SMU1: variants seen among roughly 807,000 people sequenced by gnomAD.
SMU1 encodes the protein SMU1 DNA replication regulator and spliceosomal factor, also known as WD40 repeat-containing protein SMU1.
A neutral mutation model predicts 62.0 loss-of-function variants in SMU1; 2 were observed. The observed-to-expected ratio is 0.03, with a 90% CI of 0.01 to 0.10. SMU1 has a LOEUF of 0.10. Ranked by LOEUF, SMU1 falls within the 10% of genes least tolerant of loss-of-function variation. The pLI, the probability that SMU1 is intolerant of heterozygous loss-of-function variation, is 1.00. For synonymous variants in SMU1, 188 were observed against 212.4 expected (o/e 0.89, Z 1.00); for missense variants, 227 against 622.1 (o/e 0.36, Z 6.76).
intron 11 of SMU1, 111 bp downstream of exon 11, chr9:33,047,995 T>C: frequency 4.2e-6 from 4 of 958,920 alleles, no homozygotes; most frequent in Non-Finnish European, 4.6e-6. Flanking sequence ...AAACAACATA[T>C]TTTATACTGA....
At chr9:33,055,786 G>T (rs764409338) in intron 9 of SMU1, among the ~76,000 whole-genome samples, 1 of 152,162 alleles carries the variant, frequency 6.6e-6, no homozygotes, top group Non-Finnish European at 1.5e-5. Context: ...CTGTTAGCAG[G>T]TGGACCATAC....
intron 4 of SMU1, among the ~76,000 whole-genome samples, chr9:33,063,995 T>C (rs1445274925): frequency 6.6e-6 from 1 of 152,240 alleles, no homozygotes; most frequent in Admixed American, 6.5e-5. Context: ...TGTTTATTCA[T>C]GTTATTTGCT....
intron 9 of SMU1, among the ~76,000 whole-genome samples, chr9:33,053,899 A>G (rs1176750531): frequency 6.6e-6 from 1 of 152,202 alleles, no homozygotes; most frequent in East Asian, 1.9e-4. Flanking sequence ...ATTTTTCCTT[A>G]GCCAATAGAG....
Position 33,044,385 on chromosome 9 carries a change from C to G in SMU1, c.*2908G>C, listed in dbSNP as rs1839160106. ...TAGCGGGTGCGCAGTCTCCCTACCC[C>G]CGGTAAGGGGCTCTACCGGCCCTGG... On this transcript the variant is annotated 3_prime_UTR_variant, in exon 12 of 12. Coordinates refer to ENST00000397149, the MANE Select transcript of SMU1 (RefSeq NM_018225.3). 1 of 152,284 alleles carries G rather than the reference C, an allele frequency of 6.6e-6. No homozygotes were observed. The highest frequency in any genetic ancestry group is 1.5e-5 in the Non-Finnish European group (1 of 68,072). The allele number at this position is 152,284 out of a possible 1,614,324, so 9.4% of individuals were successfully genotyped here.
At chr9:33,055,489 C>A (rs917392669) in intron 9 of SMU1, among the ~76,000 whole-genome samples, 1 of 150,742 alleles carries the variant, frequency 6.6e-6, no homozygotes, top group Non-Finnish European at 1.5e-5. Flanking sequence ...TAAATAGTGT[C>A]TCAAAGATCT....
chr9:33,045,424 G>T lies in SMU1; in HGVS notation c.*1869C>A, dbSNP rs1445884340. 1 of 152,226 alleles carries T rather than the reference G, an allele frequency of 6.6e-6. No individual in the cohort carries two copies. The highest frequency in any genetic ancestry group is 1.5e-5 in the Non-Finnish European group (1 of 68,046). The allele number at this position is 152,226 out of a possible 1,614,324, so 9.4% of individuals were successfully genotyped here. A position where few individuals can be genotyped will look rare whatever the true frequency, so the allele number is the denominator to read the frequency against. Reference sequence around the variant, plus strand: ...AAGCTGCAGGTTTTGTGGCAAATGGGAAATGTGTTATAGAATATGACTGGG... The same window carrying T: ...AAGCTGCAGGTTTTGTGGCAAATGGTAAATGTGTTATAGAATATGACTGGG... On this transcript the variant is annotated 3_prime_UTR_variant, in exon 12 of 12. Coordinates refer to ENST00000397149, the MANE Select transcript of SMU1 (RefSeq NM_018225.3).
In SMU1 at chr9:33,044,387, G is replaced by A. The variant is rs921924659; in HGVS notation, c.*2906C>T. ...GCGGGTGCGCAGTCTCCCTACCCCC[G>A]GTAAGGGGCTCTACCGGCCCTGGAC... On this transcript the variant is annotated 3_prime_UTR_variant, in exon 12 of 12. Coordinates refer to ENST00000397149, the MANE Select transcript of SMU1 (RefSeq NM_018225.3). 6.6e-6 allele frequency: 1 copy of A among 152,266 alleles called. No individual in the cohort carries two copies. The highest frequency in any genetic ancestry group is 2.4e-5 in the African/African-American group (1 of 41,454). The allele number at this position is 152,266 out of a possible 1,614,324, so 9.4% of individuals were successfully genotyped here.
rs1048229 is a variant in SMU1, at chr9:33,054,314, G to A, written c.1123-1024C>T. Among the ~76,000 whole-genome samples, 1,044 of 152,134 alleles carry A rather than the reference G, an allele frequency of 6.9e-3. 9 individuals are homozygous for A. Among genetic ancestry groups the A allele is most frequent in the African/African-American group, 0.023 (974 of 41,490 alleles). On this transcript the variant is annotated intron_variant, in intron 9 of 11. Transcript: ENST00000397149. ...CTACAGGCAGGTGCCAATAAGCCTGGCTCAAATAGAGGCTTTTTAGCTTGA... is the reference window on the plus strand; with the variant it reads ...CTACAGGCAGGTGCCAATAAGCCTGACTCAAATAGAGGCTTTTTAGCTTGA...
chr9:33,074,233 C>G (rs1839516990), intron 1 of SMU1, among the ~76,000 whole-genome samples: 1 of 152,072 alleles, frequency 6.6e-6, no homozygotes, highest in Admixed American at 6.6e-5. Flanking sequence ...GAGGCTGAGG[C>G]AGGAGGATTG....
intron 2 of SMU1, among the ~76,000 whole-genome samples, chr9:33,072,312 G>C (rs2117878138): frequency 6.6e-6 from 1 of 152,100 alleles, no homozygotes; most frequent in South Asian, 2.1e-4. Flanking sequence ...ACTCTGGCCT[G>C]GGCGACAGAG....
At chr9:33,076,464 C>T (rs1839547169) in intron 1 of SMU1, 119 bp downstream of exon 1, 1 of 1,235,274 alleles carries the variant, frequency 8.1e-7, no homozygotes, top group Non-Finnish European at 1.2e-6. Context: ...TCTTTGGGGG[C>T]AAGGAAATGG....
intron 4 of SMU1, among the ~76,000 whole-genome samples, chr9:33,063,905 T>C (rs1371250179): frequency 2.0e-5 from 3 of 152,000 alleles, no homozygotes; most frequent in Admixed American, 2.0e-4. Flanking sequence ...AGAAATAGAA[T>C]ACCCTACTTT....
chr9:33,056,512 G>C (rs980547603), intron 8 of SMU1, among the ~76,000 whole-genome samples: 2 of 152,178 alleles, frequency 1.3e-5, no homozygotes. Flanking sequence ...AGGAGATTGA[G>C]ATCAGTGGGT....
Position 33,043,849 on chromosome 9 carries a change from T to C in SMU1, c.*3444A>G, listed in dbSNP as rs1309824922. 2 of 152,404 alleles carry C rather than the reference T, an allele frequency of 1.3e-5. No homozygotes were observed. Among genetic ancestry groups the C allele is most frequent in the Non-Finnish European group, 2.9e-5 (2 of 68,004 alleles). 9.4% of individuals were successfully genotyped at this position (152,404 alleles called of 1,614,324 possible). A position where few individuals can be genotyped will look rare whatever the true frequency, so the allele number is the denominator to read the frequency against. ...TGTGCATTTGCGCACCCTCATTACA[T>C]TGTTCTGAGAATTAAATATGGCTGC... On this transcript the variant is annotated 3_prime_UTR_variant, in exon 12 of 12. Transcript: ENST00000397149.
At chr9:33,064,043 G>A (rs1025235966) in intron 4 of SMU1, among the ~76,000 whole-genome samples, 1 of 152,032 alleles carries the variant, frequency 6.6e-6, no homozygotes, top group South Asian at 2.1e-4. Flanking sequence ...TCACCAATTA[G>A]TGAGCTTTAA....
intron 9 of SMU1, among the ~76,000 whole-genome samples, 172 bp downstream of exon 9, chr9:33,055,941 G>A (rs1009935245): frequency 6.6e-6 from 1 of 152,176 alleles, no homozygotes; most frequent in African/African-American, 2.4e-5. Flanking sequence ...CAAGGCCAAT[G>A]GGAATTACCC....
At chr9:33,056,081 A>G (rs1383148923) in intron 9 of SMU1, 32 bp downstream of exon 9, 3 of 1,583,092 alleles carry the variant, frequency 1.9e-6, no homozygotes, top group Admixed American at 1.7e-5. Context: ...TGGGGTAGAC[A>G]TCCCAAAATA....
At chr9:33,071,913 A>C (rs781611474) in intron 2 of SMU1, 21 bp from the exon 3 acceptor site, 25 of 1,485,632 alleles carry the variant, frequency 1.7e-5, no homozygotes, top group African/African-American at 4.4e-5. Context: ...AAAAAAAAAC[A>C]AAAAAAACCC....
intron 8 of SMU1, 79 bp downstream of exon 8, chr9:33,056,757 CG>C: frequency 6.9e-7 from 1 of 1,449,022 alleles, no homozygotes; most frequent in Non-Finnish European, 9.5e-7. Flanking sequence ...ATGGTAAAAG[CG>C]TAAGGAATCA....
Sources: gnomAD v4.1 joint callset for allele counts (sites outside exome capture counted in the v4.1 genomes callset) on GRCh38, gnomAD v4.1.1 for gene constraint, MANE v1.5 for transcripts, NCBI Gene and HGNC (gene_info 2026-07-23, HGNC 2026-07-21) for gene names.